The following FHIT variants were observed in gnomAD, a reference collection of about 807,000 sequenced individuals.
The protein encoded by FHIT is bis(5'-adenosyl)-triphosphatase.
In FHIT, 19 loss-of-function variants were observed where a neutral mutation model predicts 17.9. That is an observed-to-expected ratio of 1.06 (90% confidence interval 0.74 to 1.56). FHIT has a LOEUF of 1.56. Ranked by LOEUF, FHIT falls within the 40% of genes most tolerant of loss-of-function variation. The pLI is 0.00. For missense variants in FHIT, 248 were observed against 189.2 expected (o/e 1.31, Z -1.82); for synonymous variants, 81 against 69.7 (o/e 1.16, Z -0.81).
chr3:60,016,326 T>C (rs17255873), intron 5 of FHIT, among the ~76,000 whole-genome samples: 7,426 of 152,262 alleles, frequency 0.049, 191 homozygotes, highest in South Asian at 0.079. Flanking sequence ...CGAAGGTCAA[T>C]AGTTATAATT....
chr3:61,213,794 A>G (rs1465162059), intron 1 of FHIT, among the ~76,000 whole-genome samples: 1 of 152,272 alleles, frequency 6.6e-6, no homozygotes, highest in African/African-American at 2.4e-5. Flanking sequence ...AACAGAAATT[A>G]TAACAAATTG....
chr3:59,748,531 T>C lies in FHIT; in HGVS notation c.*1054A>G, dbSNP rs1247590770. ...AGGCAGGTGCTGGGCAGGGTTGTAT[T>C]AACAAGGCAGGTAAGGAAGAAGTCC... On this transcript the variant is annotated 3_prime_UTR_variant, in exon 10 of 10. Transcript: ENST00000492590. Among the ~76,000 whole-genome samples, 1 of 151,980 alleles carries C rather than the reference T, an allele frequency of 6.6e-6. No homozygotes were observed. Among genetic ancestry groups the C allele is most frequent in the South Asian group, 2.1e-4 (1 of 4,806 alleles).
intron 7 of FHIT, among the ~76,000 whole-genome samples, chr3:59,981,316 C>G (rs1344261959): frequency 6.6e-6 from 1 of 152,094 alleles, no homozygotes; most frequent in African/African-American, 2.4e-5. Context: ...GAACTGAACG[C>G]TGTCCTGTCT....
chr3:59,842,564 T>C (rs1181564313), intron 8 of FHIT, among the ~76,000 whole-genome samples: 2 of 152,192 alleles, frequency 1.3e-5, no homozygotes, highest in Non-Finnish European at 2.9e-5. Flanking sequence ...TTTCTCCATA[T>C]CTTTGCCAAC....
intron 3 of FHIT, among the ~76,000 whole-genome samples, chr3:60,951,447 A>T (rs1428684201): frequency 5.3e-5 from 8 of 152,204 alleles, no homozygotes; most frequent in Non-Finnish European, 2.9e-5. Context: ...CCAAACAATA[A>T]GGCAGCCCAT....
intron 4 of FHIT, among the ~76,000 whole-genome samples, chr3:60,640,040 A>C (rs2039687715): frequency 6.6e-6 from 1 of 152,212 alleles, no homozygotes; most frequent in Non-Finnish European, 1.5e-5. Context: ...GGGAGTTCAT[A>C]TTATGGGTTA....
intron 5 of FHIT, among the ~76,000 whole-genome samples, chr3:60,500,769 TCTA>T (rs2034491720): frequency 1.9e-5 from 1 of 53,856 alleles, no homozygotes. Flanking sequence ...TGAGCATCCA[TCTA>T]AAAAAAAAAA....
chr3:61,042,346 G>A (rs2033558648), intron 2 of FHIT, among the ~76,000 whole-genome samples: 2 of 152,172 alleles, frequency 1.3e-5, no homozygotes, highest in Non-Finnish European at 2.9e-5. Context: ...CAGTAAGATG[G>A]AAGTTAAAGG....
intron 8 of FHIT, among the ~76,000 whole-genome samples, chr3:59,862,518 G>T (rs981119018): frequency 6.6e-6 from 1 of 152,140 alleles, no homozygotes; most frequent in African/African-American, 2.4e-5. Flanking sequence ...ATGTCAAATG[G>T]CACCTTTTTT....
chr3:59,992,102 T>C (rs1454107984), intron 7 of FHIT, among the ~76,000 whole-genome samples: 2 of 152,000 alleles, frequency 1.3e-5, no homozygotes, highest in Admixed American at 1.3e-4. Context: ...TCCAAGGCTG[T>C]AGAACTAAAC....
chr3:60,984,357 G>A (rs758271680), intron 3 of FHIT, among the ~76,000 whole-genome samples: 23 of 152,194 alleles, frequency 1.5e-4, no homozygotes, highest in Non-Finnish European at 2.5e-4. Context: ...TAATTACAGA[G>A]AAGATGCATC....
chr3:61,121,059 G>A (rs1236174413), intron 2 of FHIT, among the ~76,000 whole-genome samples: 1 of 151,878 alleles, frequency 6.6e-6, no homozygotes, highest in African/African-American at 2.4e-5. Flanking sequence ...AGAATGAAAA[G>A]GGAGGAACAA....
intron 5 of FHIT, among the ~76,000 whole-genome samples, chr3:60,363,836 ATATT>A (rs1700003516): frequency 6.6e-6 from 1 of 152,160 alleles, no homozygotes; most frequent in Non-Finnish European, 1.5e-5. Flanking sequence ...ACAGTTCAGG[ATATT>A]TATTCCTCTT....
rs57001621 is a variant in FHIT at position 60,789,154 on chromosome 3, G to A, written c.-18+32765C>T. ...TATATAGAGAGAGATGTGTGTGTGT[G>A]TGTATATATATATATATATATAGAG... On this transcript the variant is annotated intron_variant, in intron 4 of 9. Coordinates refer to ENST00000492590, the MANE Select transcript of FHIT (RefSeq NM_002012.4). Among the ~76,000 whole-genome samples, 1,049 of 117,442 alleles carry A rather than the reference G, an allele frequency of 8.9e-3. 13 individuals carry two copies. The highest frequency in any genetic ancestry group is 0.01 in the Admixed American group (120 of 11,996). The allele number at this position is 117,442 out of a possible 152,430, so 77.0% of individuals were successfully genotyped here.
At chr3:60,824,615 C>T (rs1266125053) in intron 3 of FHIT, among the ~76,000 whole-genome samples, 1 of 152,166 alleles carries the variant, frequency 6.6e-6, no homozygotes, top group Admixed American at 6.5e-5. Context: ...TGTGTCCCCA[C>T]CCAAGTCTCA....
intron 2 of FHIT, among the ~76,000 whole-genome samples, chr3:61,085,287 T>G (rs1318404448): frequency 6.6e-6 from 1 of 152,158 alleles, no homozygotes; most frequent in African/African-American, 2.4e-5. Flanking sequence ...TTACAGTTTC[T>G]CCATATCTTC....
intron 5 of FHIT, among the ~76,000 whole-genome samples, chr3:60,195,232 G>A (rs1014166760): frequency 6.6e-6 from 1 of 151,812 alleles, no homozygotes; most frequent in Non-Finnish European, 1.5e-5. Flanking sequence ...CTCCAGAATG[G>A]TCATTATTAA....
At chr3:59,818,275 C>T (rs1005878839) in intron 8 of FHIT, among the ~76,000 whole-genome samples, 1 of 152,076 alleles carries the variant, frequency 6.6e-6, no homozygotes, top group African/African-American at 2.4e-5. Flanking sequence ...GCCAGACACG[C>T]AATTCAGACC....
chr3:59,949,003 T>A (rs536285146), intron 7 of FHIT, among the ~76,000 whole-genome samples: 1 of 152,186 alleles, frequency 6.6e-6, no homozygotes, highest in Admixed American at 6.5e-5. Flanking sequence ...GCAGTGAGCA[T>A]AGGACCCAAT....
Sources: gnomAD v4.1 joint callset for allele counts (sites outside exome capture counted in the v4.1 genomes callset) on GRCh38, gnomAD v4.1.1 for gene constraint, MANE v1.5 for transcripts, NCBI Gene and HGNC (gene_info 2026-07-23, HGNC 2026-07-21) for gene names.